Variants in SATB2 observed in about 807,000 individuals in gnomAD.
SATB2 encodes DNA-binding protein SATB2.
A neutral mutation model predicts 73.4 loss-of-function variants in SATB2; 1 was observed. That is an observed-to-expected ratio of 0.01 (90% CI 0.00 to 0.06). SATB2 has a LOEUF of 0.06. Among genes scored for constraint, SATB2 ranks in the 10% least tolerant of loss-of-function variants. SATB2 has a pLI of 1.00. For synonymous variants in SATB2, 397 were observed against 367.0 expected, an observed-to-expected ratio of 1.08 and a Z score of -0.93; for missense variants, 459 against 945.8, an observed-to-expected ratio of 0.49 and a Z score of 6.75.
At chr2:199,323,456 T>A (rs1316667727) in intron 9 of SATB2, among the ~76,000 whole-genome samples, 1 of 146,378 alleles carries the variant, frequency 6.8e-6, no homozygotes, top group Admixed American at 7.1e-5. Context: ...TGCTGTTATA[T>A]ACATTCTAAG....
chr2:199,407,166 C>G (rs970347107), intron 3 of SATB2, among the ~76,000 whole-genome samples: 2 of 149,678 alleles, frequency 1.3e-5, no homozygotes, highest in Non-Finnish European at 3.0e-5. Flanking sequence ...ACCAAAAATA[C>G]AAAAAAATTA....
chr2:199,307,874 G>A (rs1301030801), intron 10 of SATB2, among the ~76,000 whole-genome samples: 1 of 152,002 alleles, frequency 6.6e-6, no homozygotes, highest in African/African-American at 2.4e-5. Flanking sequence ...CTTCCATTCT[G>A]CACACACATG....
chr2:199,376,242 C>T (rs566453257), intron 5 of SATB2, among the ~76,000 whole-genome samples: 43 of 152,272 alleles, frequency 2.8e-4, no homozygotes, highest in Admixed American at 9.8e-4. Flanking sequence ...CCTGTTTAAC[C>T]GAAATGTGCT....
At chr2:199,394,775 C>T (rs1690249081) in intron 3 of SATB2, among the ~76,000 whole-genome samples, 1 of 152,086 alleles carries the variant, frequency 6.6e-6, no homozygotes, top group Admixed American at 6.5e-5. Context: ...AAAGGGGTCC[C>T]AAGAGCTAAT....
intron 3 of SATB2, among the ~76,000 whole-genome samples, chr2:199,386,202 G>A (rs1471796852): frequency 1.3e-5 from 2 of 152,090 alleles, no homozygotes; most frequent in African/African-American, 2.4e-5. Context: ...TACCAGGTAG[G>A]CATCCCAAAT....
At chr2:199,295,176 A>G (rs1692992355) in intron 10 of SATB2, among the ~76,000 whole-genome samples, 1 of 152,244 alleles carries the variant, frequency 6.6e-6, no homozygotes, top group African/African-American at 2.4e-5. Context: ...CATGACAAGG[A>G]AAGAGTAGGA....
chr2:199,456,680 T>C (rs985088145), intron 1 of SATB2, among the ~76,000 whole-genome samples: 3 of 152,190 alleles, frequency 2.0e-5, no homozygotes, highest in African/African-American at 7.2e-5. Flanking sequence ...TAATTCCACA[T>C]TAATAAGCAT....
upstream of SATB2, among the ~76,000 whole-genome samples, chr2:199,462,126 A>G (rs1208129350): frequency 1.3e-5 from 2 of 152,190 alleles, no homozygotes; most frequent in Non-Finnish European, 2.9e-5. The surrounding 1 kb of genome is among the most constrained non-coding windows in gnomAD (Gnocchi z 5.9). Context: ...AGAGCCCTGG[A>G]AAGTTGCGCC....
chr2:199,307,120 G>T (rs1229948856), intron 10 of SATB2, among the ~76,000 whole-genome samples: 3 of 152,026 alleles, frequency 2.0e-5, no homozygotes, highest in Non-Finnish European at 2.9e-5. Flanking sequence ...AAGCAGTGGA[G>T]ATGCCGGGGG....
chr2:199,301,697 G>A (rs532207938), intron 10 of SATB2, among the ~76,000 whole-genome samples: 11 of 152,254 alleles, frequency 7.2e-5, no homozygotes, highest in Admixed American at 1.3e-4. Flanking sequence ...ATGGTAAAAA[G>A]TCATGAGGTA....
At chr2:199,371,701 C>T (rs969290163) in intron 5 of SATB2, among the ~76,000 whole-genome samples, 8 of 151,984 alleles carry the variant, frequency 5.3e-5, no homozygotes, top group Admixed American at 4.6e-4. Flanking sequence ...CTAAAGCAAC[C>T]GCACAGTTGG....
chr2:199,351,058 A>G (rs1688803954), intron 6 of SATB2, among the ~76,000 whole-genome samples: 1 of 148,782 alleles, frequency 6.7e-6, no homozygotes, highest in African/African-American at 2.5e-5. Flanking sequence ...AGAAAACCCG[A>G]TTTCTTGCTT....
chr2:199,293,239 T>A (rs1458256042), intron 10 of SATB2, among the ~76,000 whole-genome samples: 1 of 152,160 alleles, frequency 6.6e-6, no homozygotes, highest in Admixed American at 6.5e-5. Flanking sequence ...ATTTCTCCTG[T>A]GAGTTTTTCT....
intron 3 of SATB2, among the ~76,000 whole-genome samples, chr2:199,410,776 A>T (rs1690788585): frequency 6.6e-6 from 1 of 152,250 alleles, no homozygotes; most frequent in Admixed American, 6.5e-5. Context: ...GGTATCATAA[A>T]AGCAAGTGTT....
intron 10 of SATB2, among the ~76,000 whole-genome samples, chr2:199,295,206 A>G (rs1359025744): frequency 1.3e-5 from 2 of 152,250 alleles, no homozygotes; most frequent in East Asian, 3.8e-4. Flanking sequence ...ATTTAAATAA[A>G]CATTTTTGTT....
chr2:199,273,827 TAGG>T (rs1420342170), intron 10 of SATB2, among the ~76,000 whole-genome samples: 1 of 152,174 alleles, frequency 6.6e-6, no homozygotes, highest in Non-Finnish European at 1.5e-5. Context: ...AGCAAAATCT[TAGG>T]TAAGCTTACT....
upstream of SATB2, among the ~76,000 whole-genome samples, chr2:199,462,167 G>A (rs1692490624): frequency 6.6e-6 from 1 of 152,228 alleles, no homozygotes; most frequent in Non-Finnish European, 1.5e-5. The surrounding 1 kb of genome is among the most constrained non-coding windows in gnomAD (Gnocchi z 5.9). Flanking sequence ...AACACGCAGG[G>A]AAAACTATGG....
intron 10 of SATB2, among the ~76,000 whole-genome samples, chr2:199,300,983 C>A (rs746043204): frequency 6.6e-6 from 1 of 151,724 alleles, no homozygotes; most frequent in African/African-American, 2.4e-5. Context: ...ATTAGAACCA[C>A]CCCATGATGA....
intron 3 of SATB2, among the ~76,000 whole-genome samples, chr2:199,399,813 T>C (rs549070294): frequency 8.1e-4 from 123 of 152,172 alleles, no homozygotes; most frequent in South Asian, 2.3e-3. Context: ...AAGTTGGAAA[T>C]CCACCCCAAG....
Sources: gnomAD v4.1 joint callset for allele counts (sites outside exome capture counted in the v4.1 genomes callset) on GRCh38, gnomAD v4.1.1 for gene constraint, Gnocchi (gnomAD v3.1) non-coding constraint, MANE v1.5 for transcripts, NCBI Gene and HGNC (gene_info 2026-07-23, HGNC 2026-07-21) for gene names.